The following RASAL2 variants were observed in gnomAD, a reference collection of about 807,000 sequenced individuals.
RASAL2 encodes the protein RAS protein activator like 2, also known as ras GTPase-activating protein nGAP.
In RASAL2, 58 loss-of-function variants were observed where a neutral mutation model predicts 128.9. That is an observed-to-expected ratio of 0.45 (90% CI 0.36 to 0.56). The LOEUF (loss-of-function observed/expected upper bound fraction) is 0.56. Ranked by LOEUF, RASAL2 falls within the 20% of genes least tolerant of loss-of-function variation. The probability of loss-of-function intolerance (pLI) is 0.00; values close to 1 mark genes in which losing one functional copy is unlikely to be tolerated. For synonymous variants in RASAL2, 561 were observed against 580.8 expected (o/e 0.97, Z 0.49); for missense variants, 1,360 against 1,601.6 (o/e 0.85, Z 2.57).
chr1:178,393,630 C>T (rs1673044498), intron 4 of RASAL2, among the ~76,000 whole-genome samples: 1 of 152,160 alleles, frequency 6.6e-6, no homozygotes, highest in Non-Finnish European at 1.5e-5. Context: ...GGTTGAGGAC[C>T]CCTGATCTAT....
intron 1 of RASAL2, among the ~76,000 whole-genome samples, chr1:178,165,388 C>T (rs1661486141): frequency 6.6e-6 from 1 of 152,146 alleles, no homozygotes; most frequent in Non-Finnish European, 1.5e-5. Flanking sequence ...AACAATGTAA[C>T]TATTGTGTAA....
At chr1:178,448,893 T>C (rs147096949) in intron 9 of RASAL2, among the ~76,000 whole-genome samples, 3,514 of 152,264 alleles carry the variant, frequency 0.023, 64 homozygotes, top group Middle Eastern at 0.058. Context: ...TCAGTGGACA[T>C]GGAAAGAAAT....
At chr1:178,123,412 TGGCCTTGAATTTTATAATTCAG>T (rs780461347) in intron 1 of RASAL2, among the ~76,000 whole-genome samples, 1 of 152,246 alleles carries the variant, frequency 6.6e-6, no homozygotes, top group Non-Finnish European at 1.5e-5. Context: ...GGACGAAACT[TGGCCTTGAATTTTATAATTCAG>T]GGCTTTGAAC....
At chr1:178,414,583 T>A (rs1674632337) in intron 4 of RASAL2, among the ~76,000 whole-genome samples, 1 of 152,158 alleles carries the variant, frequency 6.6e-6, no homozygotes, top group Non-Finnish European at 1.5e-5. Flanking sequence ...GAAATCTTTA[T>A]ATCTTCTACT....
intron 3 of RASAL2, among the ~76,000 whole-genome samples, chr1:178,370,705 T>A (rs1671655744): frequency 6.6e-6 from 1 of 152,194 alleles, no homozygotes; most frequent in African/African-American, 2.4e-5. Flanking sequence ...AAACTTCAGT[T>A]AATATTTGAT....
chr1:178,425,926 G>T (rs1675485360), intron 5 of RASAL2, among the ~76,000 whole-genome samples: 1 of 152,092 alleles, frequency 6.6e-6, no homozygotes, highest in African/African-American at 2.4e-5. Context: ...ATGGACATTG[G>T]TAAAACAGCT....
chr1:178,094,914 C>T (rs1658616455), intron 1 of RASAL2, among the ~76,000 whole-genome samples: 1 of 152,184 alleles, frequency 6.6e-6, no homozygotes, highest in South Asian at 2.1e-4. Flanking sequence ...CAGACACCTG[C>T]AGTAAGTTTA....
At chr1:178,122,338 T>TA (rs1355939892) in intron 1 of RASAL2, among the ~76,000 whole-genome samples, 3 of 152,190 alleles carry the variant, frequency 2.0e-5, no homozygotes, top group Admixed American at 6.5e-5. Flanking sequence ...CACTGGAGTG[T>TA]AAAAAATTGA....
At chr1:178,415,515 A>G (rs1360798033) in intron 4 of RASAL2, among the ~76,000 whole-genome samples, 2 of 152,114 alleles carry the variant, frequency 1.3e-5, no homozygotes, top group Non-Finnish European at 2.9e-5. Flanking sequence ...AATGTTCCAT[A>G]TGAGCTTGAG....
intron 3 of RASAL2, among the ~76,000 whole-genome samples, chr1:178,349,531 G>C (rs1416624419): frequency 6.6e-6 from 1 of 152,028 alleles, no homozygotes; most frequent in Non-Finnish European, 1.5e-5. Flanking sequence ...TAGGCTTGTG[G>C]ATGTATCCTC....
rs374969276 is a variant in RASAL2 at position 178,453,050 on chromosome 1, C to T, written c.2009+398C>T. On this transcript the variant is annotated intron_variant, in intron 11 of 17. Coordinates refer to ENST00000367649, the MANE Select transcript of RASAL2 (RefSeq NM_170692.4). ...TATAAAAAAAGTTGGGAAGAAAAGA[C>T]AAATTCTGCGGTTACAATGTCTAAG... is the stretch of plus-strand genomic sequence containing the variant. Among the ~76,000 whole-genome samples the T allele has an allele frequency of 2.6e-5, 4 of 152,112 alleles. 1 individual carries two copies. The East Asian group carries it at 7.7e-4, about 29-fold the overall frequency.
intron 3 of RASAL2, among the ~76,000 whole-genome samples, chr1:178,375,740 A>G (rs1287468231): frequency 6.6e-6 from 1 of 152,196 alleles, no homozygotes; most frequent in Non-Finnish European, 1.5e-5. Flanking sequence ...GAACAAAATG[A>G]ATCAAAGATA....
chr1:178,336,863 T>C (rs1557911299), intron 3 of RASAL2, among the ~76,000 whole-genome samples: 3 of 152,090 alleles, frequency 2.0e-5, no homozygotes, highest in Non-Finnish European at 4.4e-5. Flanking sequence ...ATAAAAGTGT[T>C]GGTTTTGTTC....
chr1:178,450,348 G>A (rs948726869), intron 9 of RASAL2, among the ~76,000 whole-genome samples: 1 of 151,904 alleles, frequency 6.6e-6, no homozygotes, highest in Admixed American at 6.6e-5. Flanking sequence ...ACTTTTCCAG[G>A]CCCCACAGTC....
chr1:178,269,396 CGTGTGAACCAGAGCAATTCTATCCTAA>C (rs1408959336), intron 1 of RASAL2, among the ~76,000 whole-genome samples: 1 of 152,194 alleles, frequency 6.6e-6, no homozygotes, highest in Non-Finnish European at 1.5e-5. Context: ...TTGTCAGACA[CGTGTGAACCAGAGCAATTCTATCCTAA>C]GTAGGAACTG....
At chr1:178,155,636 T>A (rs1332694500) in intron 1 of RASAL2, among the ~76,000 whole-genome samples, 2 of 151,700 alleles carry the variant, frequency 1.3e-5, no homozygotes, top group Non-Finnish European at 2.9e-5. Flanking sequence ...CACTGTCGTC[T>A]TGCCAGTCTT....
At chr1:178,393,223 G>T (rs541506803) in intron 4 of RASAL2, among the ~76,000 whole-genome samples, 1 of 152,232 alleles carries the variant, frequency 6.6e-6, no homozygotes, top group Non-Finnish European at 1.5e-5. Context: ...TACATTTATT[G>T]TGCACTTTAT....
chr1:178,416,103 C>T (rs1674734705), intron 4 of RASAL2, among the ~76,000 whole-genome samples: 1 of 152,022 alleles, frequency 6.6e-6, no homozygotes, highest in Non-Finnish European at 1.5e-5. Flanking sequence ...TAACTGTTTT[C>T]TATTTGTTGC....
intron 1 of RASAL2, among the ~76,000 whole-genome samples, chr1:178,129,536 T>C (rs1195254300): frequency 6.6e-6 from 1 of 152,146 alleles, no homozygotes; most frequent in Non-Finnish European, 1.5e-5. Context: ...TCTTTTAGTG[T>C]GTGGCCTGTT....
Sources: allele counts gnomAD v4.1 joint callset (sites outside exome capture counted in the v4.1 genomes callset), GRCh38; gene constraint gnomAD v4.1.1; transcripts MANE v1.5; gene names NCBI Gene and HGNC (gene_info 2026-07-23, HGNC 2026-07-21).